GRAMD1B: variants seen among roughly 807,000 people sequenced by gnomAD.
GRAMD1B encodes the protein GRAM domain containing 1B, also known as protein Aster-B.
Under a neutral mutation model 99.7 loss-of-function variants are expected in GRAMD1B, and 37 were observed. The observed-to-expected ratio is 0.37, with a 90% CI of 0.29 to 0.49. The LOEUF (loss-of-function observed/expected upper bound fraction) is 0.49. Ranked by LOEUF, GRAMD1B falls within the 20% of genes least tolerant of loss-of-function variation. The pLI is 0.98. For missense variants in GRAMD1B, 888 were observed against 1,009.2 expected, an observed-to-expected ratio of 0.88 and a Z score of 1.63; for synonymous variants, 427 against 387.6, an observed-to-expected ratio of 1.10 and a Z score of -1.19.
At chr11:123,374,260 C>G (rs1199799923) in intron 1 of GRAMD1B, among the ~76,000 whole-genome samples, 1 of 152,212 alleles carries the variant, frequency 6.6e-6, no homozygotes, top group Non-Finnish European at 1.5e-5. Context: ...CCCAGTCAAA[C>G]TGAGCCTAGT....
intron 2 of GRAMD1B, among the ~76,000 whole-genome samples, chr11:123,540,094 A>C (rs1430807278): frequency 1.3e-5 from 2 of 151,228 alleles, no homozygotes; most frequent in Non-Finnish European, 2.9e-5. Context: ...TTTTGAGATA[A>C]GGTTTCTGTC....
At chr11:123,543,644 C>G (rs1479271955) in intron 2 of GRAMD1B, among the ~76,000 whole-genome samples, 2 of 152,232 alleles carry the variant, frequency 1.3e-5, no homozygotes. Flanking sequence ...AGAAACTTTT[C>G]TTGGAAGTCA....
At chr11:123,370,368 TCTCACTCTG>T (rs1388660921) in intron 1 of GRAMD1B, among the ~76,000 whole-genome samples, 2 of 139,642 alleles carry the variant, frequency 1.4e-5, no homozygotes, top group Non-Finnish European at 3.0e-5. Flanking sequence ...TGAGACAGAT[TCTCACTCTG>T]TCGCCCAGGC....
In GRAMD1B at chr11:123,619,548, C is replaced by T. The variant is rs527972679; in HGVS notation, c.2544+324C>T. ...ATCTGACAGGCATTTAAACAGAGAA[C>T]CCCCTCAGCCCTTTTACAGAGATTT... is the stretch of plus-strand genomic sequence containing the variant. On this transcript the variant is annotated intron_variant, in intron 19 of 19. Coordinates refer to ENST00000635736, the MANE Select transcript of GRAMD1B (RefSeq NM_001387025.1). The T allele has an allele frequency of 1.5e-4, 183 of 1,185,442 alleles. 3 individuals carry two copies. In the South Asian group the frequency reaches 2.8e-3, roughly 18 times the overall value. The allele number at this position is 1,185,442 out of a possible 1,614,324, so 73.4% of individuals were successfully genotyped here. A position where few individuals can be genotyped will look rare whatever the true frequency, so the allele number is the denominator to read the frequency against.
chr11:123,361,964 G>A (rs1387496849), intron 1 of GRAMD1B, among the ~76,000 whole-genome samples: 1 of 152,252 alleles, frequency 6.6e-6, no homozygotes, highest in Non-Finnish European at 1.5e-5. Flanking sequence ...TGGTAGGCAT[G>A]AGAATAGAAT....
Position 123,510,991 on chromosome 11 carries a change from A to G in GRAMD1B, c.452+30098A>G, listed in dbSNP as rs920360024. Among the ~76,000 whole-genome samples the G allele has an allele frequency of 3.3e-5, 5 of 151,858 alleles. No individual in the cohort carries two copies. Among genetic ancestry groups the G allele is most frequent in the Non-Finnish European group, 7.4e-5 (5 of 67,952 alleles). On this transcript the variant is annotated intron_variant, in intron 2 of 19. Coordinates refer to ENST00000635736, the MANE Select transcript of GRAMD1B (RefSeq NM_001387025.1). The surrounding 1 kb of genome is among the most constrained non-coding windows in gnomAD (Gnocchi z 4.3). ...CTGTAGCTTTCATCTGCACTCACTT[A>G]TATGTCCGTTGTTTTCTTTAGCCTT...
chr11:123,527,527 C>G (rs1942918764), intron 2 of GRAMD1B, among the ~76,000 whole-genome samples: 1 of 152,156 alleles, frequency 6.6e-6, no homozygotes, highest in Non-Finnish European at 1.5e-5. Flanking sequence ...CTATCCCTCT[C>G]TCTTACATTT....
intron 1 of GRAMD1B, among the ~76,000 whole-genome samples, chr11:123,451,337 A>G (rs1288526539): frequency 2.6e-5 from 4 of 152,152 alleles, no homozygotes; most frequent in Non-Finnish European, 5.9e-5. Context: ...TAATGAGTAG[A>G]CCCACCTGGC....
intron 1 of GRAMD1B, among the ~76,000 whole-genome samples, chr11:123,395,946 A>C (rs1947442728): frequency 6.6e-6 from 1 of 152,222 alleles, no homozygotes; most frequent in Non-Finnish European, 1.5e-5. Context: ...CAGAGATAAA[A>C]GGCAACTAGG....
rs942298144 is a variant in GRAMD1B at position 123,619,089 on chromosome 11, CCTT to C, written c.2427-12_2427-10del. 2 of 1,376,812 alleles carry C rather than the reference CCTT, an allele frequency of 1.5e-6. No homozygotes were observed. The highest frequency in any genetic ancestry group is 1.4e-5 in the African/African-American group (1 of 69,588). The allele number at this position is 1,376,812 out of a possible 1,614,324, so 85.3% of individuals were successfully genotyped here. ...GCATAACTCCAGCTGCTGGGGTACC[CCTT>C]CTTCTACCCCACAGGTTACCCCAGT... is the stretch of plus-strand genomic sequence containing the variant. On this transcript the variant is annotated splice_polypyrimidine_tract_variant and intron_variant, in intron 18 of 19. Transcript: ENST00000635736.
Position 123,619,230 on chromosome 11 carries a change from A to G in GRAMD1B, c.2544+6A>G. 6.4e-7 allele frequency: 1 copy of G among 1,553,706 alleles called. No individual in the cohort carries two copies. ...CAGTGATGCTCCTTGACCAGGTGAG[A>G]TGCCCCACCTTCTCTGCTTGCCCTG... On this transcript the variant is annotated splice_donor_region_variant and intron_variant, in intron 19 of 19. Coordinates refer to ENST00000635736, the MANE Select transcript of GRAMD1B (RefSeq NM_001387025.1).
chr11:123,533,717 G>C (rs1197819807), intron 2 of GRAMD1B, among the ~76,000 whole-genome samples: 3 of 152,234 alleles, frequency 2.0e-5, no homozygotes, highest in Non-Finnish European at 4.4e-5. Flanking sequence ...GTGAGCCACT[G>C]TGCCTGGCCT....
chr11:123,379,350 T>A (rs1156267976), intron 1 of GRAMD1B, among the ~76,000 whole-genome samples: 1 of 152,166 alleles, frequency 6.6e-6, no homozygotes, highest in Non-Finnish European at 1.5e-5. Flanking sequence ...GGCAGGCCAT[T>A]GGATTGTAGG....
At chr11:123,413,462 T>A (rs1948121066) in intron 1 of GRAMD1B, among the ~76,000 whole-genome samples, 1 of 151,640 alleles carries the variant, frequency 6.6e-6, no homozygotes, top group African/African-American at 2.4e-5. Flanking sequence ...AATTATGGGG[T>A]AAGGAGGCAT....
chr11:123,409,227 C>G (rs1484698137), intron 1 of GRAMD1B, among the ~76,000 whole-genome samples: 1 of 152,190 alleles, frequency 6.6e-6, no homozygotes, highest in Non-Finnish European at 1.5e-5. Flanking sequence ...GGAAATCCTG[C>G]CTTTGCCTCT....
intron 10 of GRAMD1B, 85 bp from the exon 11 acceptor site, chr11:123,606,524 G>A: frequency 2.4e-6 from 3 of 1,245,404 alleles, no homozygotes; most frequent in African/African-American, 1.5e-5. Flanking sequence ...TATGAGAGCT[G>A]CCAAGGCTGC....
At chr11:123,503,446 C>T (rs940295949) in intron 2 of GRAMD1B, among the ~76,000 whole-genome samples, 1 of 152,198 alleles carries the variant, frequency 6.6e-6, no homozygotes, top group East Asian at 1.9e-4. Flanking sequence ...CTTAACCCCC[C>T]ACCCATACCC....
At chr11:123,389,806 TA>T (rs1168382310) in intron 1 of GRAMD1B, among the ~76,000 whole-genome samples, 1 of 152,056 alleles carries the variant, frequency 6.6e-6, no homozygotes, top group East Asian at 1.9e-4. Context: ...AGTGCAGTGG[TA>T]CAATCTGGGC....
intron 2 of GRAMD1B, among the ~76,000 whole-genome samples, chr11:123,568,213 G>T (rs1057052719): frequency 3.3e-5 from 5 of 152,190 alleles, no homozygotes; most frequent in Non-Finnish European, 7.3e-5. Flanking sequence ...TATCTACACA[G>T]TATTTACAGA....
Sources: gnomAD v4.1 joint callset for allele counts (sites outside exome capture counted in the v4.1 genomes callset) on GRCh38, gnomAD v4.1.1 for gene constraint, Gnocchi (gnomAD v3.1) non-coding constraint, MANE v1.5 for transcripts, NCBI Gene and HGNC (gene_info 2026-07-23, HGNC 2026-07-21) for gene names.